PRDM2: variants seen among roughly 807,000 people sequenced by gnomAD.
PRDM2 encodes PR domain zinc finger protein 2.
PRDM2 carries 30 observed loss-of-function variants against 130.0 expected under a neutral mutation model. The ratio of observed to expected loss-of-function variants is 0.23; its 90% CI spans 0.17 to 0.31. PRDM2 has a LOEUF of 0.31. Ranked by LOEUF, PRDM2 falls within the 10% of genes least tolerant of loss-of-function variation. PRDM2 has a pLI of 1.00. For synonymous variants in PRDM2, 871 were observed against 782.4 expected, an observed-to-expected ratio of 1.11 and a Z score of -1.89; for missense variants, 2,011 against 2,108.4, an observed-to-expected ratio of 0.95 and a Z score of 0.90.
chr1:13,711,294 T>G (rs1642363278), intron 1 of PRDM2, among the ~76,000 whole-genome samples: 1 of 152,282 alleles, frequency 6.6e-6, no homozygotes, highest in South Asian at 2.1e-4. Context: ...TTATGTAGGA[T>G]TGCCATGGCA....
chr1:13,728,527 G>A (rs1643000167), intron 2 of PRDM2, among the ~76,000 whole-genome samples: 1 of 152,188 alleles, frequency 6.6e-6, no homozygotes, highest in African/African-American at 2.4e-5. Context: ...GAGGGCCCTG[G>A]GGCTGCCCAG....
At chr1:13,767,104 C>G (rs1644245000) in intron 6 of PRDM2, among the ~76,000 whole-genome samples, 1 of 152,118 alleles carries the variant, frequency 6.6e-6, no homozygotes, top group Non-Finnish European at 1.5e-5. Flanking sequence ...GTCATTATGG[C>G]TGTTGAATGT....
intron 8 of PRDM2, among the ~76,000 whole-genome samples, chr1:13,800,321 A>T (rs1232444802): frequency 6.6e-6 from 1 of 152,218 alleles, no homozygotes; most frequent in Non-Finnish European, 1.5e-5. Context: ...GAGTGCCTTG[A>T]TTACATGAAA....
intron 2 of PRDM2, among the ~76,000 whole-genome samples, chr1:13,724,356 A>C (rs1157237068): frequency 6.6e-6 from 1 of 152,228 alleles, no homozygotes; most frequent in Non-Finnish European, 1.5e-5. Context: ...GAAACCCTTC[A>C]AATGATAAAG....
intron 1 of PRDM2, among the ~76,000 whole-genome samples, chr1:13,708,286 A>G (rs1446645527): frequency 6.6e-6 from 1 of 152,078 alleles, no homozygotes; most frequent in Non-Finnish European, 1.5e-5. Flanking sequence ...CTAGCATATC[A>G]GCAGGTCCCT....
At chr1:13,726,302 G>A (rs1642914045) in intron 2 of PRDM2, among the ~76,000 whole-genome samples, 1 of 152,244 alleles carries the variant, frequency 6.6e-6, no homozygotes, top group African/African-American at 2.4e-5. Context: ...CGTCCAGCAT[G>A]GAAAGGTCAT....
chr1:13,806,099 T>A lies in PRDM2; in HGVS notation c.5037-10328T>A, dbSNP rs1645082163. 6.6e-6 allele frequency among the ~76,000 whole-genome samples: 1 copy of A among 152,140 alleles called. No individual in the cohort carries two copies. Among genetic ancestry groups the A allele is most frequent in the Non-Finnish European group, 1.5e-5 (1 of 68,024 alleles). On this transcript the variant is annotated intron_variant, in intron 8 of 9. Transcript: ENST00000311066. The surrounding 1 kb of genome is among the most constrained non-coding windows in gnomAD (Gnocchi z 4.1). ...GCAGCCCCCAGGATGCTCAATGCAG[T>A]GGTTGGTTTCCAGTCCCATCTCCCT... is the stretch of plus-strand genomic sequence containing the variant.
intron 6 of PRDM2, among the ~76,000 whole-genome samples, chr1:13,761,009 G>A (rs1451270118): frequency 2.0e-5 from 3 of 152,196 alleles, no homozygotes; most frequent in Non-Finnish European, 4.4e-5. Context: ...TAGCTACATC[G>A]TGGCACTAAG....
chr1:13,765,698 C>T (rs186730370), intron 6 of PRDM2, among the ~76,000 whole-genome samples: 221 of 152,274 alleles, frequency 1.5e-3, no homozygotes, highest in African/African-American at 5.0e-3. Flanking sequence ...AGCTCCTGAC[C>T]TCGTGTTCTG....
rs201025066 is a variant in PRDM2, at chr1:13,821,431, C to T, written c.*24-1728C>T. Among the ~76,000 whole-genome samples the T allele has an allele frequency of 1.5e-3, 203 of 138,282 alleles. 4 individuals are homozygous for T. The East Asian group carries it at 0.027, about 18-fold the overall frequency. The allele number at this position is 138,282 out of a possible 152,430, so 90.7% of individuals were successfully genotyped here. ...GCCCAATTCAACCCAATGCAGTGAA[C>T]ATTTATTTATTTATTTATTTATTTA... On this transcript the variant is annotated intron_variant, in intron 9 of 9. Coordinates refer to ENST00000311066, the MANE Select transcript of PRDM2 (RefSeq NM_001393986.1).
intron 8 of PRDM2, among the ~76,000 whole-genome samples, chr1:13,794,096 T>G (rs1218300774): frequency 6.6e-6 from 1 of 152,182 alleles, no homozygotes; most frequent in East Asian, 1.9e-4. Flanking sequence ...GAAGGCCACT[T>G]GCATTCCACA....
rs143142283 is a variant in PRDM2, at chr1:13,782,126, C to G, written c.4331C>G (p.Ala1444Gly). Residue 1444 changes from alanine to glycine, a missense_variant, in exon 8 of 10, where the codon GCC (alanine) becomes GGC (glycine). This residue lies in a region of PRDM2 where 410 missense variants were observed against 395.9 expected (regional missense o/e 1.04). Coordinates refer to ENST00000311066, the MANE Select transcript of PRDM2 (RefSeq NM_001393986.1). ...LQKNKSAKQKADLKNACESSS... is the reference protein window; with the variant it reads ...LQKNKSAKQKGDLKNACESSS... ...AAAAACAAATCTGCAAAGCAGAAGG[C>G]CGACTTGAAAAATGCTTGTGAGTCA... The G allele has an allele frequency of 1.1e-5, 18 of 1,613,862 alleles. No homozygotes were observed. In the African/African-American group the frequency reaches 2.1e-4, roughly 19 times the overall value.
chr1:13,729,495 T>C (rs897155208), intron 2 of PRDM2, among the ~76,000 whole-genome samples: 1 of 152,186 alleles, frequency 6.6e-6, no homozygotes, highest in Non-Finnish European at 1.5e-5. Flanking sequence ...CAACTACCAG[T>C]GTAATACCTT....
chr1:13,787,373 C>T (rs539932537), intron 8 of PRDM2: 8 of 984,756 alleles, frequency 8.1e-6, no homozygotes, highest in Non-Finnish European at 8.4e-6. Context: ...TTGGCCTCTT[C>T]CTAAGTATAT....
At position 13,824,318 on chromosome 1, in the gene PRDM2, G is replaced by C. The variant is rs926744682; in HGVS notation, c.*1183G>C. 5 of 152,590 alleles carry C rather than the reference G, an allele frequency of 3.3e-5. No individual in the cohort carries two copies. Among genetic ancestry groups the C allele is most frequent in the African/African-American group, 9.7e-5 (4 of 41,430 alleles). 9.5% of individuals were successfully genotyped at this position (152,590 alleles called of 1,614,324 possible). ...GGAAGGAGGGAGCTCTGATGAGCAC[G>C]GTTTGTCACACGATAAAGGGATTTT... On this transcript the variant is annotated 3_prime_UTR_variant, in exon 10 of 10. Coordinates refer to ENST00000311066, the MANE Select transcript of PRDM2 (RefSeq NM_001393986.1).
intron 6 of PRDM2, among the ~76,000 whole-genome samples, chr1:13,760,626 TG>T (rs1367337720): frequency 6.6e-6 from 1 of 152,212 alleles, no homozygotes; most frequent in Admixed American, 6.5e-5. Context: ...ACCAGTTAAT[TG>T]CATTGTGACT....
Position 13,771,556 on chromosome 1 carries a change from C to A in PRDM2, c.512-1522C>A, listed in dbSNP as rs555870936. ...ACCATCCTGGCTAAGATGGTGAAAC[C>A]CCGTCTCTACTAAAATACGAAAAAT... is the stretch of plus-strand genomic sequence containing the variant. On this transcript the variant is annotated intron_variant, in intron 6 of 9. Coordinates refer to ENST00000311066, the MANE Select transcript of PRDM2 (RefSeq NM_001393986.1). This position sits in a 1 kb window ranked among gnomAD's most constrained non-coding sequence, Gnocchi z 4.1. Among the ~76,000 whole-genome samples the A allele has an allele frequency of 9.2e-5, 14 of 152,236 alleles. No individual in the cohort carries two copies. The South Asian group carries it at 2.7e-3, about 29-fold the overall frequency.
chr1:13,774,551 C>A (rs1644429395), intron 7 of PRDM2, among the ~76,000 whole-genome samples: 1 of 151,974 alleles, frequency 6.6e-6, no homozygotes, highest in Non-Finnish European at 1.5e-5. Flanking sequence ...TTTTTTTGAA[C>A]AACAAAAATT....
rs188038052 is a variant in PRDM2 at position 13,742,050 on chromosome 1, C to G, written c.277C>G (p.Pro93Ala). The G allele has an allele frequency of 1.4e-4, 216 of 1,596,958 alleles. No individual in the cohort carries two copies. In the East Asian group the frequency reaches 4.0e-3, roughly 29 times the overall value. The change falls in exon 5 of 10, where the codon CCA becomes GCA. Residue 93 changes from proline (P) to alanine (A), a missense_variant. This residue lies in a region of PRDM2 where 1,288 missense variants were observed against 1,237.7 expected (regional missense o/e 1.04). Transcript: ENST00000311066. ...ATGGATGTGCATTGATGCCACTGAT[C>G]CAGAGAAGGGAAACTGGCTGCGATA... is the stretch of plus-strand genomic sequence containing the variant. ...LGWMCIDATDPEKGNWLRYVN... is the reference protein window; with the variant it reads ...LGWMCIDATDAEKGNWLRYVN...
Sources: gnomAD v4.1 joint callset for allele counts (sites outside exome capture counted in the v4.1 genomes callset) on GRCh38, gnomAD v4.1.1 for gene constraint, gnomAD v4.1.1 regional missense constraint, Gnocchi (gnomAD v3.1) non-coding constraint, MANE v1.5 for transcripts, NCBI Gene and HGNC (gene_info 2026-07-23, HGNC 2026-07-21) for gene names.